CCDC69: variants seen among roughly 807,000 people sequenced by gnomAD.
CCDC69 encodes the protein coiled-coil domain-containing protein 69.
A neutral mutation model predicts 40.3 loss-of-function variants in CCDC69; 38 were observed. That is an observed-to-expected ratio of 0.94 (90% CI 0.73 to 1.24). CCDC69 has a LOEUF of 1.24. Among genes scored for constraint, CCDC69 ranks in the 50% most tolerant of loss-of-function variants. The pLI, the probability that CCDC69 is intolerant of heterozygous loss-of-function variation, is 0.00. For synonymous variants in CCDC69, 141 were observed against 138.9 expected (o/e 1.02, Z -0.11); for missense variants, 389 against 357.9 (o/e 1.09, Z -0.70).
At chr5:151,184,771 G>A (rs28451184) in intron 7 of CCDC69, 107 of 192,658 alleles carry the variant, frequency 5.6e-4, no homozygotes, top group African/African-American at 2.4e-3. Context: ...TCTGTTATGT[G>A]TTTCCACAAA....
chr5:151,185,362 G>A lies in CCDC69; in HGVS notation c.615+60C>T. 1.1e-5 allele frequency: 17 copies of A among 1,596,578 alleles called. No homozygotes were observed. The South Asian group carries it at 1.9e-4, about 18-fold the overall frequency. ...ACCTCCCCTCTGCATGCTTTACAAA[G>A]GAAACACCCAGAAAGCGGGAGCCTG... On this transcript the variant is annotated intron_variant, in intron 7 of 8. Transcript: ENST00000355417.
Position 151,183,585 on chromosome 5 carries a change from C to T in CCDC69, c.743G>A (p.Arg248His), listed in dbSNP as rs372308375. 111 of 1,612,308 alleles carry T rather than the reference C, an allele frequency of 6.9e-5. 1 individual carries two copies. The highest frequency in any genetic ancestry group is 8.5e-5 in the Non-Finnish European group (100 of 1,179,370). The change falls in exon 9 of 9, where the codon CGT (arginine) becomes CAT (histidine). Residue 248 changes from arginine (R) to histidine (H), a missense_variant. Transcript: ENST00000355417. ...RQLSEDLLLTREALEKEVQLR... is the reference protein window; with the variant it reads ...RQLSEDLLLTHEALEKEVQLR... ...CTGCACCTCCTTCTCCAGGGCCTCA[C>T]GCGTGAGAAGCAGGTCTTCTGACAG... is the stretch of plus-strand genomic sequence containing the variant.
intron 4 of CCDC69, among the ~76,000 whole-genome samples, chr5:151,189,661 A>G (rs940328252): frequency 6.6e-6 from 1 of 152,188 alleles, no homozygotes; most frequent in African/African-American, 2.4e-5. Context: ...ACTCCAAAGT[A>G]AGCCCAAAGA....
rs4958903 is a variant in CCDC69, at chr5:151,182,847, T to C, written c.*590A>G. The stretch of plus-strand genomic sequence containing the variant: ...CAAGGGCCTTCAGAGACCCCCTCTC[T>C]ACCACTCACCTTCCCCACTCTGATT... On this transcript the variant is annotated 3_prime_UTR_variant, in exon 9 of 9. Coordinates refer to ENST00000355417, the MANE Select transcript of CCDC69 (RefSeq NM_015621.3). The C allele has an allele frequency of 0.26, 92,539 of 354,408 alleles. 13,374 individuals carry two copies. Among genetic ancestry groups the C allele is most frequent in the African/African-American group, 0.39 (18,127 of 46,698 alleles). 22.0% of individuals were successfully genotyped at this position (354,408 alleles called of 1,614,324 possible). A position where few individuals can be genotyped will look rare whatever the true frequency, so the allele number is the denominator to read the frequency against.
At position 151,199,062 on chromosome 5, in the gene CCDC69, T is replaced by C; in HGVS notation, c.254A>G (p.Glu85Gly). The C allele has an allele frequency of 1.9e-6, 3 of 1,614,042 alleles. No homozygotes were observed. Among genetic ancestry groups the C allele is most frequent in the Non-Finnish European group, 2.5e-6 (3 of 1,179,984 alleles). The change falls in exon 4 of 9, where the codon GAG becomes GGG. Residue 85 changes from glutamate to glycine, a missense_variant. Transcript: ENST00000355417. The stretch of plus-strand genomic sequence containing the variant: ...CTGCTCATCCAGTCTGTCTCGAAGC[T>C]CTAGCTCCCTTTCCTTCTCCACCTG... ...AQQVEKEREL[E>G]LRDRLDEQQR...
chr5:151,182,136 T>C lies in CCDC69; in HGVS notation c.*1301A>G, dbSNP rs1400529129. The C allele has an allele frequency of 6.6e-6, 1 of 152,260 alleles. No homozygotes were observed. Among genetic ancestry groups the C allele is most frequent in the African/African-American group, 2.4e-5 (1 of 41,442 alleles). The allele number at this position is 152,260 out of a possible 1,614,324, so 9.4% of individuals were successfully genotyped here. A position where few individuals can be genotyped will look rare whatever the true frequency, so the allele number is the denominator to read the frequency against. On this transcript the variant is annotated 3_prime_UTR_variant, in exon 9 of 9. Transcript: ENST00000355417. ...TTTGACTCCTGTGATCTGTTTGCCATGTTGCCAATGAGGAATAGGAACCTG... is the reference window on the plus strand; with the variant it reads ...TTTGACTCCTGTGATCTGTTTGCCACGTTGCCAATGAGGAATAGGAACCTG...
rs140966541 is a variant in CCDC69, at chr5:151,183,515, C to T, written c.813G>A (p.Arg271=). 1.6e-4 allele frequency: 260 copies of T among 1,609,114 alleles called. No individual in the cohort carries two copies. The highest frequency in any genetic ancestry group is 2.1e-4 in the Non-Finnish European group (249 of 1,178,390). ...CAGGCGAGGCATTGGCCCCAAGGAC[C>T]CGGTACAACAGCTCCTCCTTCTCCT... ...LQQEKEELLY[R]VLGANASPAF... is the part of the protein sequence containing the mutation. Residue 271 remains arginine, a synonymous_variant, in exon 9 of 9, where the codon CGG becomes CGA. Transcript: ENST00000355417.
At chr5:151,211,544 A>G (rs1355501950) in intron 1 of CCDC69, among the ~76,000 whole-genome samples, 53 of 99,488 alleles carry the variant, frequency 5.3e-4, no homozygotes, top group African/African-American at 2.0e-3. Flanking sequence ...TTTTTTTGAG[A>G]TGGAGTCTGG....
intron 4 of CCDC69, among the ~76,000 whole-genome samples, chr5:151,194,087 T>G (rs1752661271): frequency 6.6e-6 from 1 of 152,246 alleles, no homozygotes; most frequent in African/African-American, 2.4e-5. Context: ...GTAGCAACGG[T>G]ATAACTCATA....
chr5:151,221,788 C>A (rs1015809419), intron 1 of CCDC69, among the ~76,000 whole-genome samples: 1 of 152,272 alleles, frequency 6.6e-6, no homozygotes, highest in African/African-American at 2.4e-5. Flanking sequence ...CCCTCTGTAG[C>A]CTGAGCTCAT....
rs1469253200 is a variant in CCDC69 at position 151,181,073 on chromosome 5, T to A, written c.*2364A>T. ...TAAATAAGGTGCCGCATGTTCTTTTTAGTTTCCATACATCGTCTGTCCCAG... is the reference window on the plus strand; with the variant it reads ...TAAATAAGGTGCCGCATGTTCTTTTAAGTTTCCATACATCGTCTGTCCCAG... On this transcript the variant is annotated 3_prime_UTR_variant, in exon 9 of 9. Coordinates refer to ENST00000355417, the MANE Select transcript of CCDC69 (RefSeq NM_015621.3). 1 of 152,188 alleles carries A rather than the reference T, an allele frequency of 6.6e-6. No individual in the cohort carries two copies. The highest frequency in any genetic ancestry group is 1.5e-5 in the Non-Finnish European group (1 of 68,036). The allele number at this position is 152,188 out of a possible 1,614,324, so 9.4% of individuals were successfully genotyped here.
chr5:151,193,608 G>GATT (rs1424572390), intron 4 of CCDC69, among the ~76,000 whole-genome samples: 3 of 151,980 alleles, frequency 2.0e-5, no homozygotes, highest in Non-Finnish European at 4.4e-5. Context: ...AAGACCACAT[G>GATT]ATTATATGGA....
chr5:151,191,090 T>G (rs1752605448), intron 4 of CCDC69, among the ~76,000 whole-genome samples: 1 of 119,988 alleles, frequency 8.3e-6, no homozygotes, highest in Non-Finnish European at 1.9e-5. Flanking sequence ...AAAATTAAAG[T>G]TGAAATTAAA....
chr5:151,198,386 T>A (rs979617812), intron 4 of CCDC69, among the ~76,000 whole-genome samples: 2 of 152,168 alleles, frequency 1.3e-5, no homozygotes, highest in African/African-American at 4.8e-5. Context: ...TATCTATCTA[T>A]TTATTTTTAA....
chr5:151,188,200 G>GA (rs1468896516), intron 4 of CCDC69, among the ~76,000 whole-genome samples: 2 of 152,088 alleles, frequency 1.3e-5, no homozygotes, highest in Non-Finnish European at 2.9e-5. Context: ...TGTCTCAGCT[G>GA]AAAAAAGACA....
intron 4 of CCDC69, among the ~76,000 whole-genome samples, chr5:151,194,515 AG>A (rs1162759080): frequency 1.3e-5 from 2 of 152,234 alleles, no homozygotes; most frequent in African/African-American, 4.8e-5. Context: ...GGGTGGGAGA[AG>A]GATGTGAATA....
chr5:151,201,755 G>T, intron 2 of CCDC69, 67 bp from the exon 3 acceptor site: 1 of 1,027,574 alleles, frequency 9.7e-7, no homozygotes, highest in Non-Finnish European at 1.4e-6. Flanking sequence ...GTCAGAGCTG[G>T]CAGAGAGAGT....
At chr5:151,201,509 A>G (rs2113993750) in intron 3 of CCDC69, 73 bp downstream of exon 3, 2 of 943,646 alleles carry the variant, frequency 2.1e-6, no homozygotes, top group Non-Finnish European at 3.3e-6. Context: ...AACCTAAGGT[A>G]GGCACTCACT....
In CCDC69 at chr5:151,187,451, C is replaced by T; in HGVS notation, c.328G>A (p.Ala110Thr). 6.2e-7 allele frequency: 1 copy of T among 1,613,616 alleles called. No individual in the cohort carries two copies. The highest frequency in any genetic ancestry group is 8.5e-7 in the Non-Finnish European group (1 of 1,179,802). Residue 110 changes from alanine (A) to threonine (T), a missense_variant, in exon 5 of 9, where the codon GCC becomes ACC. By Grantham distance (58) the Ala-to-Thr change is moderately conservative (BLOSUM62 0). Transcript: ENST00000355417. Reference sequence around the variant, plus strand: ...GCTTCTTTCTCCTGTTCATATGAGGCCCGGAGGACTGTAGGGAAAGGAGAA... The same window carrying T: ...GCTTCTTTCTCCTGTTCATATGAGGTCCGGAGGACTGTAGGGAAAGGAGAA... Reference protein sequence around the residue: ...KNEEALQVLRASYEQEKEALT... With the variant: ...KNEEALQVLRTSYEQEKEALT...
Sources: gnomAD v4.1 joint callset for allele counts (sites outside exome capture counted in the v4.1 genomes callset) on GRCh38, gnomAD v4.1.1 for gene constraint, MANE v1.5 for transcripts, NCBI Gene and HGNC (gene_info 2026-07-23, HGNC 2026-07-21) for gene names.